LBHD1: variants seen among roughly 807,000 people sequenced by gnomAD.
LBHD1 encodes LBH domain-containing protein 1.
A neutral mutation model predicts 31.1 loss-of-function variants in LBHD1; 28 were observed. That is an observed-to-expected ratio of 0.90 (90% CI 0.67 to 1.24). LBHD1 has a LOEUF of 1.24. Ranked by LOEUF, LBHD1 falls within the 50% of genes most tolerant of loss-of-function variation. LBHD1 has a pLI of 0.00. For synonymous variants in LBHD1, 105 were observed against 116.5 expected (o/e 0.90, Z 0.63); for missense variants, 350 against 323.0 (o/e 1.08, Z -0.64).
At chr11:62,667,157 T>C in intron 4 of LBHD1, 1 of 1,198,126 alleles carries the variant, frequency 8.3e-7, no homozygotes, top group Non-Finnish European at 1.2e-6. Flanking sequence ...GAGTCCTGGC[T>C]TCCACATTTA....
chr11:62,666,850 G>C (rs1217896764), intron 4 of LBHD1: 1 of 1,614,184 alleles, frequency 6.2e-7, no homozygotes, highest in Non-Finnish European at 8.5e-7. Context: ...GGGGAGGTCT[G>C]CCTAGGGCTT....
chr11:62,671,601 G>A lies in LBHD1; in HGVS notation c.-48C>T. 1 of 1,486,406 alleles carries A rather than the reference G, an allele frequency of 6.7e-7. No individual in the cohort carries two copies. The highest frequency in any genetic ancestry group is 1.4e-5 in the African/African-American group (1 of 71,302). 92.1% of individuals were successfully genotyped at this position (1,486,406 alleles called of 1,614,324 possible). ...CGCTCCGGATTCCAAACGTTTCCTC[G>A]AGCAGGTCCTCTCTAGCCGGCCGCT... On this transcript the variant is annotated 5_prime_UTR_variant, in exon 1 of 7. Coordinates refer to ENST00000354588, the MANE Select transcript of LBHD1 (RefSeq NM_024099.5).
Position 62,663,094 on chromosome 11 carries a change from C to CT in LBHD1, c.*34dup, listed in dbSNP as rs755148668. The CT allele has an allele frequency of 6.2e-7, 1 of 1,613,206 alleles. No homozygotes were observed. Among genetic ancestry groups the CT allele is most frequent in the East Asian group, 2.2e-5 (1 of 44,882 alleles). ...TCCTTCATTTCTACATCCTGGGGGG[C>CT]TTTTGTCTTCTTTTGCCTTTTGAGC... On this transcript the variant is annotated 3_prime_UTR_variant, in exon 7 of 7. Transcript: ENST00000354588.
At chr11:62,667,112 T>A (rs1320147467) in intron 4 of LBHD1, 2 of 1,485,018 alleles carry the variant, frequency 1.3e-6, no homozygotes, top group Non-Finnish European at 1.8e-6. Flanking sequence ...TGAAGAACTG[T>A]CTTTGCAAGC....
At chr11:62,665,263 C>A (rs1944764266) in intron 4 of LBHD1, 2 of 745,340 alleles carry the variant, frequency 2.7e-6, no homozygotes, top group Non-Finnish European at 4.6e-6. Context: ...AATCGCAACT[C>A]GGGGGCGGGT....
At position 62,666,096 on chromosome 11, in the gene LBHD1, C is replaced by G. The variant is rs1944802119; in HGVS notation, c.539-1123G>C. On this transcript the variant is annotated intron_variant, in intron 4 of 6. Coordinates refer to ENST00000354588, the MANE Select transcript of LBHD1 (RefSeq NM_024099.5). ...TGCGTGGTGGCTCACGGCTGTAATG[C>G]TAACACTTTGCCAGGCCGAGGCGGG... 3 of 966,648 alleles carry G rather than the reference C, an allele frequency of 3.1e-6. No individual in the cohort carries two copies. In the African/African-American group the frequency reaches 4.9e-5, roughly 16 times the overall value. The allele number at this position is 966,648 out of a possible 1,614,324, so 59.9% of individuals were successfully genotyped here.
intron 5 of LBHD1, 56 bp downstream of exon 5, chr11:62,664,793 A>C: frequency 6.5e-7 from 1 of 1,545,208 alleles, no homozygotes; most frequent in Non-Finnish European, 8.7e-7. Context: ...GGAGCTCTGC[A>C]GGGAGGAAGG....
intron 4 of LBHD1, chr11:62,665,564 G>A (rs1012873834): frequency 5.1e-6 from 8 of 1,569,568 alleles, no homozygotes; most frequent in African/African-American, 1.3e-5. Flanking sequence ...CAAACGCCGG[G>A]ACACCGGGAA....
intron 3 of LBHD1, among the ~76,000 whole-genome samples, chr11:62,669,097 T>A (rs929161915): frequency 6.6e-6 from 1 of 151,864 alleles, no homozygotes; most frequent in Non-Finnish European, 1.5e-5. Context: ...ATTTTTTGTA[T>A]TTTTAGTAGA....
chr11:62,664,740 T>C (rs1944747855), intron 5 of LBHD1, 109 bp downstream of exon 5: 3 of 1,377,964 alleles, frequency 2.2e-6, no homozygotes, highest in Non-Finnish European at 3.0e-6. Flanking sequence ...ATTCCCCGCA[T>C]AAGCGTCAGT....
chr11:62,667,204 C>T, intron 4 of LBHD1: 1 of 767,552 alleles, frequency 1.3e-6, no homozygotes, highest in East Asian at 2.6e-5. Context: ...TTTCTGTTCC[C>T]CAGTTTACTC....
intron 4 of LBHD1, chr11:62,665,579 G>C: frequency 6.4e-7 from 1 of 1,569,410 alleles, no homozygotes. Flanking sequence ...CGGGAATCTC[G>C]GAGAAGGACA....
rs899137547 is a variant in LBHD1 at position 62,672,207 on chromosome 11, A to C, written c.-654T>G. ...TTCGTGGGCCCAGCGGAGAGTCCGG[A>C]CCGAGATACCATGCCAGGACTCTCC... On this transcript the variant is annotated 5_prime_UTR_variant, in exon 1 of 7. Coordinates refer to ENST00000354588, the MANE Select transcript of LBHD1 (RefSeq NM_024099.5). 61 of 1,301,472 alleles carry C rather than the reference A, an allele frequency of 4.7e-5. No individual in the cohort carries two copies. The highest frequency in any genetic ancestry group is 6.3e-5 in the Non-Finnish European group (60 of 949,804). 80.6% of individuals were successfully genotyped at this position (1,301,472 alleles called of 1,614,324 possible). A position where few individuals can be genotyped will look rare whatever the true frequency, so the allele number is the denominator to read the frequency against.
In LBHD1 at chr11:62,669,738, A is replaced by G; in HGVS notation, c.216T>C (p.Ser72=). 6.2e-7 allele frequency: 1 copy of G among 1,613,962 alleles called. No homozygotes were observed. The highest frequency in any genetic ancestry group is 1.1e-5 in the South Asian group (1 of 91,080). ...CCTCATGGGGCAAATGGAGATCCCCACTCTCTTCATTCACCTCACTGGATT... is the reference window on the plus strand; with the variant it reads ...CCTCATGGGGCAAATGGAGATCCCCGCTCTCTTCATTCACCTCACTGGATT... ...VVESSEVNEE[S]GDLHLPHEEL... is the part of the protein sequence containing the mutation. The change falls in exon 3 of 7, where the codon AGT becomes AGC. Residue 72 remains serine (S), a synonymous_variant. Transcript: ENST00000354588.
intron 5 of LBHD1, 42 bp downstream of exon 5, chr11:62,664,807 A>C: frequency 6.5e-7 from 1 of 1,550,112 alleles, no homozygotes; most frequent in African/African-American, 1.4e-5. Flanking sequence ...AGGAAGGAAG[A>C]CTCGGTGGGG....
chr11:62,667,038 A>G (rs1375658358), intron 4 of LBHD1: 2 of 1,601,232 alleles, frequency 1.2e-6, no homozygotes. Context: ...TACTTGATTC[A>G]AGGCTCTCAT....
chr11:62,667,778 A>G, intron 3 of LBHD1, 31 bp from the exon 4 acceptor site: 1 of 1,407,632 alleles, frequency 7.1e-7, no homozygotes, highest in Non-Finnish European at 1.0e-6. Flanking sequence ...GGACAAAAAT[A>G]TTACTGATAT....
intron 3 of LBHD1, among the ~76,000 whole-genome samples, chr11:62,669,161 C>T (rs1157450239): frequency 2.0e-5 from 3 of 152,122 alleles, no homozygotes; most frequent in Admixed American, 2.0e-4. Flanking sequence ...ACCTTGTGAT[C>T]TGCCCGCCTC....
chr11:62,666,960 A>G lies in LBHD1; in HGVS notation c.538+563T>C, dbSNP rs376935383. ...GATGTGCGACTGCCCTGCCTGGAAC[A>G]AGGGTCCTATGGCTGGACTGTGACT... On this transcript the variant is annotated intron_variant, in intron 4 of 6. Transcript: ENST00000354588. 5 of 1,614,042 alleles carry G rather than the reference A, an allele frequency of 3.1e-6. No individual in the cohort carries two copies. The African/African-American group carries it at 5.3e-5, about 17-fold the overall frequency.
Sources: allele counts gnomAD v4.1 joint callset (sites outside exome capture counted in the v4.1 genomes callset), GRCh38; gene constraint gnomAD v4.1.1; transcripts MANE v1.5; gene names NCBI Gene and HGNC (gene_info 2026-07-23, HGNC 2026-07-21).